Variants in TULP4 observed in about 807,000 individuals in gnomAD.
TULP4 encodes TUB like protein 4, also known as tubby-related protein 4.
In TULP4, 16 loss-of-function variants were observed where a neutral mutation model predicts 129.0. That is an observed-to-expected ratio of 0.12 (90% CI 0.08 to 0.19). TULP4 has a LOEUF of 0.19. TULP4 is among the 10% of genes least tolerant of loss of function. The pLI is 1.00. For missense variants in TULP4, 1,842 were observed against 2,059.1 expected, an observed-to-expected ratio of 0.89 and a Z score of 2.04; for synonymous variants, 998 against 854.0, an observed-to-expected ratio of 1.17 and a Z score of -2.94.
intron 2 of TULP4, among the ~76,000 whole-genome samples, chr6:158,419,534 C>G (rs968566963): frequency 6.6e-6 from 1 of 152,110 alleles, no homozygotes; most frequent in Non-Finnish European, 1.5e-5. Context: ...TCAAAAGATA[C>G]AGCTTAGCAG....
intron 1 of TULP4, among the ~76,000 whole-genome samples, chr6:158,239,987 G>A (rs779313617): frequency 7.5e-3 from 738 of 98,608 alleles, no homozygotes; most frequent in Non-Finnish European, 0.011. Context: ...CTGGCTGGGC[G>A]GGGGGCTGAC....
chr6:158,504,896 C>T (rs1454777083), intron 13 of TULP4, among the ~76,000 whole-genome samples: 3 of 152,196 alleles, frequency 2.0e-5, no homozygotes, highest in Non-Finnish European at 4.4e-5. Flanking sequence ...TAGTTTTGCT[C>T]ACCCTATGCA....
At position 158,448,992 on chromosome 6, in the gene TULP4, G is replaced by T. The variant is rs1779109247; in HGVS notation, c.544-4G>T. On this transcript the variant is annotated splice_region_variant and splice_polypyrimidine_tract_variant and intron_variant, in intron 3 of 13. Transcript: ENST00000367097. ...TGGTCAGAGGTCCCCATCCTGGATT[G>T]CAGGTGCTGTTTGGCACGGCCGATG... The T allele has an allele frequency of 5.6e-6, 9 of 1,603,942 alleles. No individual in the cohort carries two copies. The African/African-American group carries it at 9.3e-5, about 17-fold the overall frequency.
At chr6:158,264,308 A>C (rs1313114879) in intron 1 of TULP4, among the ~76,000 whole-genome samples, 2 of 152,146 alleles carry the variant, frequency 1.3e-5, no homozygotes, top group South Asian at 2.1e-4. Context: ...CTTCAATTTG[A>C]AGAAAGATTG....
intron 1 of TULP4, among the ~76,000 whole-genome samples, chr6:158,363,167 A>G (rs888238433): frequency 1.3e-5 from 2 of 151,202 alleles, no homozygotes; most frequent in African/African-American, 4.9e-5. Context: ...TCCCTGTTCT[A>G]TCACATAAAA....
At chr6:158,461,423 A>AAAAT in intron 5 of TULP4, 140 bp from the exon 6 acceptor site, 1 of 801,474 alleles carries the variant, frequency 1.2e-6, no homozygotes, top group Non-Finnish European at 1.8e-6. Flanking sequence ...AAAAAAAAAA[A>AAAAT]AAAGGAAAAA....
intron 1 of TULP4, among the ~76,000 whole-genome samples, chr6:158,321,279 C>T (rs956507791): frequency 1.3e-5 from 2 of 152,108 alleles, no homozygotes; most frequent in Non-Finnish European, 2.9e-5. Context: ...CTCTGCTTTC[C>T]GCCTTTCTTT....
Position 158,268,579 on chromosome 6 carries a change from C to G in TULP4, n.68+36276C>G, listed in dbSNP as rs139864060. Among the ~76,000 whole-genome samples, 100 of 152,308 alleles carry G rather than the reference C, an allele frequency of 6.6e-4. 1 individual carries two copies. The highest frequency in any genetic ancestry group is 2.1e-3 in the African/African-American group (86 of 41,560). ...GTTGTCTGGTGAGGGCTTGCTTAATCACTTCCCAAAGGCCCCACCTCGTAA... is the reference window on the plus strand; with the variant it reads ...GTTGTCTGGTGAGGGCTTGCTTAATGACTTCCCAAAGGCCCCACCTCGTAA... On this transcript the variant is annotated intron_variant and non_coding_transcript_variant, in intron 1 of 1. Transcript: ENST00000620026.
At chr6:158,333,715 T>C (rs940316299) in intron 1 of TULP4, among the ~76,000 whole-genome samples, 3 of 152,124 alleles carry the variant, frequency 2.0e-5, no homozygotes, top group African/African-American at 7.2e-5. Flanking sequence ...CCTAGAAATA[T>C]TGAAAAAATT....
intron 1 of TULP4, among the ~76,000 whole-genome samples, chr6:158,262,520 G>A (rs1778370195): frequency 6.6e-6 from 1 of 152,180 alleles, no homozygotes; most frequent in Admixed American, 6.5e-5. Context: ...GCTAGCTGCT[G>A]GGCACAATGG....
Position 158,506,776 on chromosome 6 carries a change from C to G in TULP4, c.*82C>G. The G allele has an allele frequency of 1.0e-6, 1 of 981,162 alleles. No homozygotes were observed. Among genetic ancestry groups the G allele is most frequent in the Admixed American group, 1.9e-5 (1 of 52,854 alleles). The allele number at this position is 981,162 out of a possible 1,614,324, so 60.8% of individuals were successfully genotyped here. A position where few individuals can be genotyped will look rare whatever the true frequency, so the allele number is the denominator to read the frequency against. ...GATGCCAGAGGAGCCCTCTAGGGGTCCGATGCCTGGGAGGACCAGAAGCCA... is the reference window on the plus strand; with the variant it reads ...GATGCCAGAGGAGCCCTCTAGGGGTGCGATGCCTGGGAGGACCAGAAGCCA... On this transcript the variant is annotated 3_prime_UTR_variant, in exon 14 of 14. Coordinates refer to ENST00000367097, the MANE Select transcript of TULP4 (RefSeq NM_020245.5).
At chr6:158,410,342 G>A (rs758298568) in intron 1 of TULP4, among the ~76,000 whole-genome samples, 12 of 151,882 alleles carry the variant, frequency 7.9e-5, no homozygotes, top group Non-Finnish European at 1.2e-4. Context: ...TCATGGAGAG[G>A]TTTGTTTTTG....
chr6:158,235,240 G>T (rs1054179932), intron 1 of TULP4, among the ~76,000 whole-genome samples: 13 of 151,458 alleles, frequency 8.6e-5, no homozygotes, highest in African/African-American at 2.7e-4. Flanking sequence ...GTATATTCAC[G>T]TTGTCATGCA....
intron 1 of TULP4, among the ~76,000 whole-genome samples, chr6:158,341,990 C>T (rs1780191388): frequency 6.6e-6 from 1 of 152,200 alleles, no homozygotes; most frequent in Non-Finnish European, 1.5e-5. Flanking sequence ...GCAATCTCAG[C>T]TCACTGCAAC....
At chr6:158,245,246 T>TG (rs948837526) in intron 1 of TULP4, among the ~76,000 whole-genome samples, 5 of 151,962 alleles carry the variant, frequency 3.3e-5, no homozygotes, top group Non-Finnish European at 5.9e-5. Context: ...CCTCCTGCCT[T>TG]GCCCTCCCGA....
rs1356388188 is a variant in TULP4, at chr6:158,239,483, G to A, written n.68+7180G>A. ...GGGCTGACCCCCCCACCTCCCTCCC[G>A]GACGGGGAGGCTGGCCGGGCAGAGG... On this transcript the variant is annotated intron_variant and non_coding_transcript_variant, in intron 1 of 1. Coordinates refer to the TULP4 transcript ENST00000620026. Among the ~76,000 whole-genome samples the A allele has an allele frequency of 1.4e-3, 86 of 61,260 alleles. 7 individuals carry two copies. The highest frequency in any genetic ancestry group is 4.1e-3 in the African/African-American group (76 of 18,598). The allele number at this position is 61,260 out of a possible 152,430, so 40.2% of individuals were successfully genotyped here.
At chr6:158,269,120 G>C (rs113856981) in intron 1 of TULP4, among the ~76,000 whole-genome samples, 4 of 151,992 alleles carry the variant, frequency 2.6e-5, no homozygotes, top group Admixed American at 6.6e-5. Flanking sequence ...AGAAATTCTC[G>C]AGTCTGAGAA....
At chr6:158,456,569 C>T (rs1266078673) in intron 5 of TULP4, among the ~76,000 whole-genome samples, 2 of 152,192 alleles carry the variant, frequency 1.3e-5, no homozygotes, top group African/African-American at 4.8e-5. Flanking sequence ...CACGATGGCT[C>T]ACGCCTGTAA....
At chr6:158,240,996 G>A (rs1377557357) in intron 1 of TULP4, among the ~76,000 whole-genome samples, 1 of 139,082 alleles carries the variant, frequency 7.2e-6, no homozygotes, top group African/African-American at 2.5e-5. Context: ...CAGACGGGGT[G>A]GTTGCCAGGC....
Sources: allele counts gnomAD v4.1 joint callset (sites outside exome capture counted in the v4.1 genomes callset), GRCh38; gene constraint gnomAD v4.1.1; transcripts MANE v1.5; gene names NCBI Gene and HGNC (gene_info 2026-07-23, HGNC 2026-07-21).